The following EIF4G3 variants were observed in gnomAD, a reference collection of about 807,000 sequenced individuals.
The protein encoded by EIF4G3 is eukaryotic translation initiation factor 4 gamma 3.
In EIF4G3, 34 loss-of-function variants were observed where a neutral mutation model predicts 186.4. That is an observed-to-expected ratio of 0.18 (90% CI 0.14 to 0.24). EIF4G3 has a LOEUF of 0.24. Among genes scored for constraint, EIF4G3 ranks in the 10% least tolerant of loss-of-function variants. The pLI, the probability that EIF4G3 is intolerant of heterozygous loss-of-function variation, is 1.00. For synonymous variants in EIF4G3, 673 were observed against 679.5 expected (o/e 0.99, Z 0.15); for missense variants, 1,536 against 1,948.5 (o/e 0.79, Z 3.99).
At chr1:20,906,802 A>C (rs1206099874) in intron 14 of EIF4G3, among the ~76,000 whole-genome samples, 1 of 137,578 alleles carries the variant, frequency 7.3e-6, no homozygotes, top group Admixed American at 7.9e-5. Flanking sequence ...GTCCTTAAAA[A>C]AAACTGGATA....
intron 35 of EIF4G3, among the ~76,000 whole-genome samples, chr1:20,812,540 C>T (rs553593487): frequency 1.2e-3 from 178 of 151,898 alleles, no homozygotes; most frequent in Non-Finnish European, 2.1e-3. Context: ...TTTTTTTTCT[C>T]GCTTCAGTGA....
At chr1:21,072,847 C>T (rs1177764789) in intron 3 of EIF4G3, among the ~76,000 whole-genome samples, 1 of 152,168 alleles carries the variant, frequency 6.6e-6, no homozygotes, top group Non-Finnish European at 1.5e-5. Context: ...GAATAGAATA[C>T]TTACTGATGG....
chr1:21,153,737 C>G (rs1206431934), intron 2 of EIF4G3, among the ~76,000 whole-genome samples: 1 of 152,044 alleles, frequency 6.6e-6, no homozygotes, highest in East Asian at 1.9e-4. Context: ...ACTAATTTTT[C>G]TATTTTTAGT....
At chr1:21,168,938 G>A (rs182359718) in intron 2 of EIF4G3, among the ~76,000 whole-genome samples, 128 of 152,232 alleles carry the variant, frequency 8.4e-4, no homozygotes, top group Non-Finnish European at 1.6e-3. Context: ...AGAACTTTGG[G>A]AGGCCAAGGT....
intron 7 of EIF4G3, among the ~76,000 whole-genome samples, chr1:20,985,947 C>T (rs1000425563): frequency 7.2e-5 from 11 of 152,150 alleles, no homozygotes; most frequent in African/African-American, 2.4e-4. Flanking sequence ...CCACTTGTCT[C>T]GTGTCCATCC....
intron 3 of EIF4G3, among the ~76,000 whole-genome samples, chr1:21,062,602 T>A (rs2094980719): frequency 6.6e-6 from 1 of 151,778 alleles, no homozygotes; most frequent in African/African-American, 2.4e-5. Flanking sequence ...GATATACCTA[T>A]TTTTTTGAGA....
chr1:20,830,147 G>T (rs2064725997), intron 30 of EIF4G3, among the ~76,000 whole-genome samples: 1 of 152,220 alleles, frequency 6.6e-6, no homozygotes, highest in Non-Finnish European at 1.5e-5. Flanking sequence ...GGTGGTAATT[G>T]TATGCATGCC....
At chr1:20,976,303 T>C (rs1301238738) in intron 10 of EIF4G3, among the ~76,000 whole-genome samples, 1 of 151,962 alleles carries the variant, frequency 6.6e-6, no homozygotes, top group Non-Finnish European at 1.5e-5. Flanking sequence ...ATTAGGTATA[T>C]CTCCTAATGC....
At chr1:21,102,491 G>C (rs116971196) in intron 2 of EIF4G3, among the ~76,000 whole-genome samples, 1 of 152,042 alleles carries the variant, frequency 6.6e-6, no homozygotes, top group African/African-American at 2.4e-5. Flanking sequence ...CATCCATGAC[G>C]CACTTATGGT....
In EIF4G3 at chr1:20,899,957, G is replaced by T; in HGVS notation, c.1753-14C>A. 1.9e-6 allele frequency: 3 copies of T among 1,594,630 alleles called. No homozygotes were observed. The South Asian group carries it at 3.4e-5, about 18-fold the overall frequency. On this transcript the variant is annotated splice_polypyrimidine_tract_variant and intron_variant, in intron 15 of 36. Coordinates refer to ENST00000602326, the MANE Select transcript of EIF4G3 (RefSeq NM_001391906.1). ...TTCAGCTTTAAGCTAAATAATAAAT[G>T]AACAAAGAGGTTACATTTTTTTCCA...
chr1:21,072,810 T>C (rs1572096059), intron 3 of EIF4G3, among the ~76,000 whole-genome samples: 2 of 152,332 alleles, frequency 1.3e-5, no homozygotes, highest in Middle Eastern at 6.8e-3. Flanking sequence ...ATAAACGGTA[T>C]GAATAGTTTC....
At chr1:20,847,002 G>T (rs1226621696) in intron 29 of EIF4G3, among the ~76,000 whole-genome samples, 1 of 152,176 alleles carries the variant, frequency 6.6e-6, no homozygotes, top group South Asian at 2.1e-4. Flanking sequence ...TTTAAGATCA[G>T]CTCTTTAAGT....
At chr1:20,977,887 A>G (rs1283630148) in intron 10 of EIF4G3, among the ~76,000 whole-genome samples, 1 of 152,214 alleles carries the variant, frequency 6.6e-6, no homozygotes, top group East Asian at 1.9e-4. Context: ...GCTGGCACAG[A>G]CTTACAGCAG....
chr1:21,127,010 G>T (rs772321039), intron 2 of EIF4G3, among the ~76,000 whole-genome samples: 5 of 151,892 alleles, frequency 3.3e-5, no homozygotes, highest in Admixed American at 1.3e-4. Context: ...TTGAGAAAAG[G>T]TCTCACTTTG....
At chr1:20,992,727 C>A (rs2081385858) in intron 7 of EIF4G3, among the ~76,000 whole-genome samples, 1 of 152,176 alleles carries the variant, frequency 6.6e-6, no homozygotes, top group Non-Finnish European at 1.5e-5. Flanking sequence ...TTTCCCTGGT[C>A]TTTCTCATAA....
At chr1:20,959,552 A>G (rs2154564448) in intron 12 of EIF4G3, among the ~76,000 whole-genome samples, 1 of 151,736 alleles carries the variant, frequency 6.6e-6, no homozygotes, top group Non-Finnish European at 1.5e-5. Flanking sequence ...TAAACTAAAA[A>G]CCTTTTGCAC....
chr1:20,907,594 A>G lies in EIF4G3; in HGVS notation c.1664-2623T>C, dbSNP rs925701256. Among the ~76,000 whole-genome samples, 7 of 131,036 alleles carry G rather than the reference A, an allele frequency of 5.3e-5. No individual in the cohort carries two copies. In the East Asian group the frequency reaches 1.4e-3, roughly 26 times the overall value. The allele number at this position is 131,036 out of a possible 152,430, so 86.0% of individuals were successfully genotyped here. On this transcript the variant is annotated intron_variant, in intron 14 of 36. Transcript: ENST00000602326. ...GTGTGATGTTCCCCTTCCTGTGTCC[A>G]TATGTTCTCACTGTTCAATTCCCAC...
chr1:21,015,350 T>C (rs1326090015), intron 4 of EIF4G3, among the ~76,000 whole-genome samples: 1 of 151,962 alleles, frequency 6.6e-6, no homozygotes, highest in African/African-American at 2.4e-5. Flanking sequence ...AGAAAGATTA[T>C]TTCAAAAAAA....
intron 33 of EIF4G3, among the ~76,000 whole-genome samples, chr1:20,821,069 G>C (rs775613841): frequency 1.3e-5 from 2 of 152,156 alleles, no homozygotes; most frequent in African/African-American, 4.8e-5. Flanking sequence ...TCGGGCAAAG[G>C]TGCCATGGCC....
Sources: allele counts gnomAD v4.1 joint callset (sites outside exome capture counted in the v4.1 genomes callset), GRCh38; gene constraint gnomAD v4.1.1; transcripts MANE v1.5; gene names NCBI Gene and HGNC (gene_info 2026-07-23, HGNC 2026-07-21).